Variants in HS6ST3 observed in about 807,000 individuals in gnomAD.
HS6ST3 encodes heparan sulfate 6-O-sulfotransferase 3, also known as heparan-sulfate 6-O-sulfotransferase 3.
A neutral mutation model predicts 36.7 loss-of-function variants in HS6ST3; 12 were observed. The observed-to-expected ratio is 0.33, with a 90% CI of 0.21 to 0.53. The LOEUF (loss-of-function observed/expected upper bound fraction) is 0.53. HS6ST3 is among the 20% of genes least tolerant of loss of function. HS6ST3 has a pLI of 0.95. For missense variants in HS6ST3, 584 were observed against 640.9 expected (o/e 0.91, Z 0.96); for synonymous variants, 240 against 257.5 (o/e 0.93, Z 0.65).
At chr13:96,619,867 G>A (rs546116745) in intron 1 of HS6ST3, among the ~76,000 whole-genome samples, 1 of 152,146 alleles carries the variant, frequency 6.6e-6, no homozygotes, top group African/African-American at 2.4e-5. Flanking sequence ...CAGTTGGCAG[G>A]CCCCAGCAAC....
At chr13:96,106,217 T>G (rs2053840765) in intron 1 of HS6ST3, among the ~76,000 whole-genome samples, 1 of 152,254 alleles carries the variant, frequency 6.6e-6, no homozygotes, top group South Asian at 2.1e-4. Flanking sequence ...AATGCATCCC[T>G]TCATGCCCTG....
At chr13:96,237,167 A>G (rs983606111) in intron 1 of HS6ST3, among the ~76,000 whole-genome samples, 2 of 152,188 alleles carry the variant, frequency 1.3e-5, no homozygotes, top group Admixed American at 6.5e-5. Context: ...GGATTATGGG[A>G]GCTACAATTC....
At chr13:96,575,804 C>G (rs1403544058) in intron 1 of HS6ST3, among the ~76,000 whole-genome samples, 2 of 152,130 alleles carry the variant, frequency 1.3e-5, no homozygotes, top group East Asian at 3.9e-4. Context: ...TGGCAAAGTT[C>G]GTAGAACTAG....
chr13:96,115,861 A>G (rs2053891606), intron 1 of HS6ST3, among the ~76,000 whole-genome samples: 1 of 152,228 alleles, frequency 6.6e-6, no homozygotes, highest in Non-Finnish European at 1.5e-5. Context: ...CATTCCCACC[A>G]ACAGTGTAAA....
intron 1 of HS6ST3, among the ~76,000 whole-genome samples, chr13:96,485,894 A>C (rs77790733): frequency 6.6e-6 from 1 of 152,092 alleles, no homozygotes; most frequent in African/African-American, 2.4e-5. Context: ...TTTAAGTTTT[A>C]GGGTACATGT....
chr13:96,582,448 GA>G (rs1204442134), intron 1 of HS6ST3, among the ~76,000 whole-genome samples: 1 of 152,180 alleles, frequency 6.6e-6, no homozygotes, highest in Non-Finnish European at 1.5e-5. Context: ...AAAATTCATG[GA>G]AAGAAGCCTA....
At chr13:96,823,287 A>T (rs1178809307) in intron 1 of HS6ST3, among the ~76,000 whole-genome samples, 1 of 152,236 alleles carries the variant, frequency 6.6e-6, no homozygotes, top group Non-Finnish European at 1.5e-5. Flanking sequence ...ACAGATATTC[A>T]TGGCTTAGAA....
At chr13:96,206,394 T>C (rs2054370322) in intron 1 of HS6ST3, among the ~76,000 whole-genome samples, 1 of 152,218 alleles carries the variant, frequency 6.6e-6, no homozygotes, top group Non-Finnish European at 1.5e-5. Flanking sequence ...CAAAGTAGTT[T>C]ATACATTCAA....
At position 96,540,123 on chromosome 13, in the gene HS6ST3, C is replaced by T. The variant is rs76301995; in HGVS notation, c.708-292367C>T. On this transcript the variant is annotated intron_variant, in intron 1 of 1. Coordinates refer to ENST00000376705, the MANE Select transcript of HS6ST3 (RefSeq NM_153456.4). ...ACATTGAAAACTCACTTGGAGATTA[C>T]CAGATAAAGTTTTGAATTTTTCCTG... Among the ~76,000 whole-genome samples the T allele has an allele frequency of 6.4e-3, 982 of 152,304 alleles. 15 individuals are homozygous for T. Among genetic ancestry groups the T allele is most frequent in the African/African-American group, 0.021 (867 of 41,576 alleles).
intron 1 of HS6ST3, among the ~76,000 whole-genome samples, chr13:96,825,364 C>G (rs1377279589): frequency 6.6e-6 from 1 of 152,128 alleles, no homozygotes; most frequent in Non-Finnish European, 1.5e-5. Flanking sequence ...CTTTTATCTA[C>G]TGCAGTATTG....
intron 1 of HS6ST3, among the ~76,000 whole-genome samples, chr13:96,792,854 T>G (rs886917729): frequency 6.6e-6 from 1 of 152,188 alleles, no homozygotes; most frequent in East Asian, 1.9e-4. Flanking sequence ...TGTGGTGGCA[T>G]ATGTTTATTA....
intron 1 of HS6ST3, among the ~76,000 whole-genome samples, chr13:96,183,405 T>C (rs2054248896): frequency 6.6e-6 from 1 of 152,174 alleles, no homozygotes; most frequent in Admixed American, 6.5e-5. Flanking sequence ...TTAGGGGAAA[T>C]TGCTGTGGGC....
At chr13:96,709,699 A>G (rs1042459365) in intron 1 of HS6ST3, among the ~76,000 whole-genome samples, 7 of 152,190 alleles carry the variant, frequency 4.6e-5, no homozygotes, top group Non-Finnish European at 8.8e-5. Flanking sequence ...CCCTGATCCT[A>G]GACTTGTAGC....
At chr13:96,481,646 T>A (rs966466746) in intron 1 of HS6ST3, among the ~76,000 whole-genome samples, 2 of 152,138 alleles carry the variant, frequency 1.3e-5, no homozygotes, top group Non-Finnish European at 2.9e-5. Flanking sequence ...AGAAAACTCA[T>A]GCAGTGCCGT....
intron 1 of HS6ST3, among the ~76,000 whole-genome samples, chr13:96,538,070 T>C (rs2056163005): frequency 6.6e-6 from 1 of 152,234 alleles, no homozygotes; most frequent in Non-Finnish European, 1.5e-5. Context: ...AACCAGAGAC[T>C]GATGCAACTG....
chr13:96,163,486 C>T (rs1042232269), intron 1 of HS6ST3, among the ~76,000 whole-genome samples: 1 of 152,046 alleles, frequency 6.6e-6, no homozygotes, highest in African/African-American at 2.4e-5. Context: ...GCCTTGACCT[C>T]CCAAAGTGCT....
chr13:96,100,791 T>C (rs570891379), intron 1 of HS6ST3, among the ~76,000 whole-genome samples: 1 of 152,218 alleles, frequency 6.6e-6, no homozygotes, highest in Non-Finnish European at 1.5e-5. Context: ...GAAAATGGAT[T>C]TGGGGTCCAG....
At chr13:96,583,866 T>A (rs2056351366) in intron 1 of HS6ST3, among the ~76,000 whole-genome samples, 2 of 152,198 alleles carry the variant, frequency 1.3e-5, no homozygotes, top group Admixed American at 1.3e-4. Flanking sequence ...TTGGATTGTC[T>A]AATTCTTTGT....
At chr13:96,155,103 A>C (rs889799705) in intron 1 of HS6ST3, among the ~76,000 whole-genome samples, 1 of 152,214 alleles carries the variant, frequency 6.6e-6, no homozygotes, top group Non-Finnish European at 1.5e-5. Context: ...CGTGTATTAC[A>C]ATACATGTAA....
Sources: allele counts gnomAD v4.1 joint callset (sites outside exome capture counted in the v4.1 genomes callset), GRCh38; gene constraint gnomAD v4.1.1; transcripts MANE v1.5; gene names NCBI Gene and HGNC (gene_info 2026-07-23, HGNC 2026-07-21).